BANK1: variants seen among roughly 807,000 people sequenced by gnomAD.
BANK1 encodes the protein B cell scaffold protein with ankyrin repeats 1.
Under a neutral mutation model 94.5 loss-of-function variants are expected in BANK1, and 95 were observed. The observed-to-expected ratio is 1.00, with a 90% CI of 0.85 to 1.19. The LOEUF is 1.19. Among genes scored for constraint, BANK1 ranks in the 50% most tolerant of loss-of-function variants. The pLI is 0.00. For synonymous variants in BANK1, 334 were observed against 308.4 expected (o/e 1.08, Z -0.87); for missense variants, 987 against 932.2 (o/e 1.06, Z -0.77).
chr4:101,973,112 G>A (rs942013872), intron 7 of BANK1, among the ~76,000 whole-genome samples: 2 of 151,612 alleles, frequency 1.3e-5, no homozygotes, highest in African/African-American at 2.4e-5. Flanking sequence ...ATAGAGTATT[G>A]TACATTCCAA....
At chr4:101,973,038 C>T (rs1367346628) in intron 7 of BANK1, among the ~76,000 whole-genome samples, 1 of 151,198 alleles carries the variant, frequency 6.6e-6, no homozygotes, top group East Asian at 1.9e-4. Context: ...AAATCTCAGA[C>T]AGGAGGAATC....
chr4:102,039,359 C>T (rs551146298), intron 10 of BANK1, among the ~76,000 whole-genome samples: 5 of 152,268 alleles, frequency 3.3e-5, no homozygotes, highest in Admixed American at 2.0e-4. Flanking sequence ...AGGCTACCTA[C>T]ATACATCTTT....
At position 102,016,289 on chromosome 4, in the gene BANK1, A is replaced by T. The variant is rs146266865; in HGVS notation, c.1207-5225A>T. On this transcript the variant is annotated intron_variant, in intron 7 of 16. Transcript: ENST00000322953. ...TTGTCTTCTCCACTAATTATAAAAT[A>T]TTGGAAGTTGGGGATCATGAAACCT... Among the ~76,000 whole-genome samples, 38 of 152,290 alleles carry T rather than the reference A, an allele frequency of 2.5e-4. 1 individual carries two copies. The highest frequency in any genetic ancestry group is 8.3e-4 in the South Asian group (4 of 4,832).
intron 5 of BANK1, among the ~76,000 whole-genome samples, chr4:101,885,684 A>G (rs1234833017): frequency 6.6e-6 from 1 of 152,212 alleles, no homozygotes; most frequent in Non-Finnish European, 1.5e-5. Context: ...GCCTTTCATG[A>G]CCACGGTCAA....
intron 2 of BANK1, among the ~76,000 whole-genome samples, chr4:101,839,935 TAA>T (rs1726967168): frequency 8.2e-6 from 1 of 121,406 alleles, no homozygotes; most frequent in African/African-American, 3.5e-5. Context: ...TTCAAATATT[TAA>T]TTTTTTTTTT....
At chr4:101,896,170 G>T (rs529505543) in intron 6 of BANK1, among the ~76,000 whole-genome samples, 2 of 151,506 alleles carry the variant, frequency 1.3e-5, no homozygotes, top group African/African-American at 2.4e-5. Context: ...AGATGTCATC[G>T]TGAGGTCAGT....
chr4:101,930,450 T>C (rs1242370776), intron 7 of BANK1, among the ~76,000 whole-genome samples: 1 of 151,504 alleles, frequency 6.6e-6, no homozygotes. Flanking sequence ...TTGAAAGTGA[T>C]AAACAAGGGA....
Position 102,030,118 on chromosome 4 carries a change from G to A in BANK1, c.1753G>A (p.Asp585Asn). 1 of 1,613,942 alleles carries A rather than the reference G, an allele frequency of 6.2e-7. No individual in the cohort carries two copies. The highest frequency in any genetic ancestry group is 8.5e-7 in the Non-Finnish European group (1 of 1,179,962). ...CCCATATACTTTTGCTGAGATTGAT[G>A]ACAGTGAATATGACATGATATTGGC... ...EDPYTFAEID[D>N]SEYDMILANL... Residue 585 changes from aspartate to asparagine, a missense_variant, in exon 10 of 17, where the codon GAC becomes AAC. By Grantham distance (23) the Asp-to-Asn change is conservative (BLOSUM62 1). Coordinates refer to ENST00000322953, the MANE Select transcript of BANK1 (RefSeq NM_017935.5).
chr4:101,977,342 A>G (rs1203949706), intron 7 of BANK1, among the ~76,000 whole-genome samples: 2 of 152,174 alleles, frequency 1.3e-5, no homozygotes, highest in African/African-American at 4.8e-5. Flanking sequence ...GCCTAACTCA[A>G]GGAGGAGAGA....
intron 10 of BANK1, 104 bp from the exon 11 acceptor site, chr4:102,043,735 C>T (rs1422495904): frequency 9.6e-6 from 6 of 626,550 alleles, no homozygotes; most frequent in Admixed American, 5.1e-5. Flanking sequence ...GGAACTGATA[C>T]TCAGGAAAAT....
intron 8 of BANK1, among the ~76,000 whole-genome samples, chr4:102,022,322 GT>G (rs1391442670): frequency 6.6e-6 from 1 of 151,964 alleles, no homozygotes; most frequent in African/African-American, 2.4e-5. Flanking sequence ...GTTCAAGTCA[GT>G]TAAAAAATGC....
At chr4:102,046,434 G>A (rs1727880877) in intron 11 of BANK1, among the ~76,000 whole-genome samples, 1 of 152,090 alleles carries the variant, frequency 6.6e-6, no homozygotes, top group Non-Finnish European at 1.5e-5. Context: ...TGTTGTCGAT[G>A]TTATCATGAG....
intron 2 of BANK1, among the ~76,000 whole-genome samples, chr4:101,852,827 T>C (rs909845777): frequency 6.6e-6 from 1 of 152,120 alleles, no homozygotes; most frequent in African/African-American, 2.4e-5. Context: ...TTTTTGTACA[T>C]TTGTGATTAT....
At chr4:102,036,960 A>G (rs1047755472) in intron 10 of BANK1, 2 of 152,216 alleles carry the variant, frequency 1.3e-5, no homozygotes, top group Non-Finnish European at 2.9e-5. Flanking sequence ...ACTGACATTA[A>G]AAGATTTTCA....
intron 7 of BANK1, among the ~76,000 whole-genome samples, chr4:101,935,882 A>G (rs1285483763): frequency 1.3e-5 from 2 of 151,472 alleles, no homozygotes; most frequent in African/African-American, 4.8e-5. Context: ...TGAAACTAGA[A>G]CCCTGTCTCT....
intron 1 of BANK1, among the ~76,000 whole-genome samples, chr4:101,817,125 T>A (rs1725948934): frequency 6.6e-6 from 1 of 152,130 alleles, no homozygotes; most frequent in Admixed American, 6.6e-5. Context: ...CCCAAATATG[T>A]TTGTTTCCTT....
chr4:101,911,315 C>T (rs1722655131), intron 6 of BANK1, among the ~76,000 whole-genome samples: 1 of 152,180 alleles, frequency 6.6e-6, no homozygotes, highest in South Asian at 2.1e-4. Context: ...AAAGGAAGGA[C>T]TCTCAAGTTT....
intron 7 of BANK1, among the ~76,000 whole-genome samples, chr4:102,012,262 A>G (rs1300761085): frequency 6.6e-6 from 1 of 152,172 alleles, no homozygotes; most frequent in African/African-American, 2.4e-5. Context: ...AACAACCTGC[A>G]CTGGATGTTA....
chr4:101,950,056 TGTGTGC>T lies in BANK1; in HGVS notation c.1206+31869_1206+31874del, dbSNP rs1560648558. Among the ~76,000 whole-genome samples, 673 of 69,122 alleles carry T rather than the reference TGTGTGC, an allele frequency of 9.7e-3. 9 individuals carry two copies. Among genetic ancestry groups the T allele is most frequent in the East Asian group, 0.088 (275 of 3,126 alleles). The allele number at this position is 69,122 out of a possible 152,430, so 45.3% of individuals were successfully genotyped here. ...GTGTGTGTGTGTGTGTGTGTGTGTGTGTGTGCGCGTGCGCGCGCATGTGCCTACACA... is the reference window on the plus strand; with the variant it reads ...GTGTGTGTGTGTGTGTGTGTGTGTGTGCGTGCGCGCGCATGTGCCTACACA... On this transcript the variant is annotated intron_variant, in intron 7 of 16. Transcript: ENST00000322953.
Sources: gnomAD v4.1 joint callset for allele counts (sites outside exome capture counted in the v4.1 genomes callset) on GRCh38, gnomAD v4.1.1 for gene constraint, MANE v1.5 for transcripts, NCBI Gene and HGNC (gene_info 2026-07-23, HGNC 2026-07-21) for gene names.